Variants in DNM2 observed in about 807,000 individuals in gnomAD.
DNM2 encodes dynamin 2.
DNM2 carries 15 observed loss-of-function variants against 99.0 expected under a neutral mutation model. The observed-to-expected ratio is 0.15, with a 90% CI of 0.10 to 0.23. The LOEUF (loss-of-function observed/expected upper bound fraction) is 0.23, where lower values mean the gene tolerates loss of function less well. Among genes scored for constraint, DNM2 ranks in the 10% least tolerant of loss-of-function variants. The pLI is 1.00. For missense variants in DNM2, 742 were observed against 1,189.4 expected (o/e 0.62, Z 5.53); for synonymous variants, 525 against 481.2 (o/e 1.09, Z -1.19).
At position 10,830,405 on chromosome 19, in the gene DNM2, C is replaced by G; in HGVS notation, c.2543+27C>G. 4.4e-6 allele frequency: 7 copies of G among 1,601,526 alleles called. No homozygotes were observed. Among genetic ancestry groups the G allele is most frequent in the Non-Finnish European group, 5.9e-6 (7 of 1,177,094 alleles). Reference sequence around the variant, plus strand: ...TAAGGCCAACCCCCTGCCCTCCACCCCAACTGCCTGCACCCTGGGGTCTCT... The same window carrying G: ...TAAGGCCAACCCCCTGCCCTCCACCGCAACTGCCTGCACCCTGGGGTCTCT... On this transcript the variant is annotated intron_variant, in intron 20 of 20. Coordinates refer to ENST00000389253, the MANE Select transcript of DNM2 (RefSeq NM_001005361.3). This position sits in a 1 kb window ranked among gnomAD's most constrained non-coding sequence, Gnocchi z 4.8.
chr19:10,747,790 C>T (rs1423789214), intron 1 of DNM2, among the ~76,000 whole-genome samples: 3 of 151,838 alleles, frequency 2.0e-5, no homozygotes, highest in Admixed American at 1.3e-4. Context: ...ATCAGGAACC[C>T]GGAAGATGCC....
Position 10,829,215 on chromosome 19 carries a change from G to A in DNM2, c.2238G>A (p.Thr746=), listed in dbSNP as rs370550750. 4 of 1,613,944 alleles carry A rather than the reference G, an allele frequency of 2.5e-6. No individual in the cohort carries two copies. Among genetic ancestry groups the A allele is most frequent in the East Asian group, 2.2e-5 (1 of 44,888 alleles). The change falls in exon 19 of 21, where the codon ACG becomes ACA. Residue 746 remains threonine (T), a synonymous_variant. Transcript: ENST00000389253. The part of the protein sequence containing the change: ...IGDISTSTVS[T]PVPPPVDDTW... ...ACATCAGCACCAGCACTGTGTCCAC[G>A]CCTGTACCCCCGCCTGTCGATGACA...
intron 1 of DNM2, among the ~76,000 whole-genome samples, chr19:10,732,142 G>T (rs1442362046): frequency 6.6e-6 from 1 of 151,122 alleles, no homozygotes; most frequent in Non-Finnish European, 1.5e-5. Flanking sequence ...TTTTAGTAGA[G>T]ACTGGGTTTC....
chr19:10,817,968 G>A lies in DNM2; in HGVS notation c.1672-2012G>A, dbSNP rs530178581. 6.6e-5 allele frequency among the ~76,000 whole-genome samples: 10 copies of A among 152,240 alleles called. No individual in the cohort carries two copies. The highest frequency in any genetic ancestry group is 5.8e-4 in the East Asian group (3 of 5,160). ...CCCTGCTGGCTGGAAGCTTCCGGCC[G>A]CGTGATATGATAGGGTCAGGGCAGC... On this transcript the variant is annotated intron_variant, in intron 15 of 20. Transcript: ENST00000389253. This position sits in a 1 kb window ranked among gnomAD's most constrained non-coding sequence, Gnocchi z 4.6.
intron 11 of DNM2, among the ~76,000 whole-genome samples, chr19:10,801,134 C>T (rs1304314283): frequency 2.0e-5 from 3 of 151,842 alleles, no homozygotes; most frequent in Non-Finnish European, 2.9e-5. Flanking sequence ...GGTGAAAACC[C>T]GTCTCTACTA....
At chr19:10,729,561 G>A (rs530422372) in intron 1 of DNM2, among the ~76,000 whole-genome samples, 39 of 152,244 alleles carry the variant, frequency 2.6e-4, no homozygotes, top group African/African-American at 8.2e-4. Context: ...GCACACACCC[G>A]GCCCGCTGAG....
At chr19:10,734,207 G>C (rs1568268629) in intron 1 of DNM2, among the ~76,000 whole-genome samples, 1 of 151,364 alleles carries the variant, frequency 6.6e-6, no homozygotes, top group Non-Finnish European at 1.5e-5. Flanking sequence ...ATTGAGTGTG[G>C]TGGTATACAC....
chr19:10,718,453 A>G (rs747724745), intron 1 of DNM2, 50 bp downstream of exon 1: 63 of 1,340,196 alleles, frequency 4.7e-5, no homozygotes, highest in Non-Finnish European at 5.9e-5. Flanking sequence ...TAGGGCGCGG[A>G]GGGCGGACCG....
chr19:10,831,265 G>A lies in DNM2; in HGVS notation c.*218G>A. On this transcript the variant is annotated 3_prime_UTR_variant, in exon 21 of 21. Transcript: ENST00000389253. The surrounding 1 kb of genome is among the most constrained non-coding windows in gnomAD (Gnocchi z 4.3). ...CCTGGAGCTCCAGGCAGGGGGCGCT[G>A]GGGTGTTGCACTTTGGGGGATGGAG... 6 of 1,323,338 alleles carry A rather than the reference G, an allele frequency of 4.5e-6. No homozygotes were observed. The highest frequency in any genetic ancestry group is 3.1e-5 in the East Asian group (1 of 31,860). The allele number at this position is 1,323,338 out of a possible 1,614,324, so 82.0% of individuals were successfully genotyped here.
intron 17 of DNM2, 88 bp from the exon 18 acceptor site, chr19:10,824,969 G>T: frequency 3.1e-6 from 5 of 1,602,188 alleles, no homozygotes; most frequent in Non-Finnish European, 4.3e-6. Flanking sequence ...GTCAGTTATT[G>T]GTGGGACAAT....
At chr19:10,757,674 G>A (rs1191498433) in intron 1 of DNM2, among the ~76,000 whole-genome samples, 1 of 152,164 alleles carries the variant, frequency 6.6e-6, no homozygotes, top group Non-Finnish European at 1.5e-5. Flanking sequence ...GCCAGGCACG[G>A]TGGCTCACAC....
At chr19:10,815,190 G>A (rs543346483) in intron 15 of DNM2, among the ~76,000 whole-genome samples, 76 of 152,180 alleles carry the variant, frequency 5.0e-4, no homozygotes, top group Non-Finnish European at 9.7e-4. Context: ...TTAACACAGG[G>A]CTCCCTTCAT....
chr19:10,718,239 C>T lies in DNM2; in HGVS notation c.-4C>T, dbSNP rs1273130810. ...GGGCGCTCGGGCCGGGGGCCGCCGG[C>T]GCCATGGGCAACCGCGGGATGGAAG... On this transcript the variant is annotated 5_prime_UTR_variant, in exon 1 of 21. Transcript: ENST00000389253. The T allele has an allele frequency of 8.1e-6, 12 of 1,476,056 alleles. No individual in the cohort carries two copies. The highest frequency in any genetic ancestry group is 1.1e-5 in the Non-Finnish European group (12 of 1,111,392). The allele number at this position is 1,476,056 out of a possible 1,614,324, so 91.4% of individuals were successfully genotyped here.
chr19:10,798,150 C>T (rs928690763), intron 10 of DNM2, among the ~76,000 whole-genome samples: 3 of 152,226 alleles, frequency 2.0e-5, no homozygotes, highest in Non-Finnish European at 4.4e-5. Flanking sequence ...GGTTCCTGCT[C>T]TCACCCAGTG....
intron 1 of DNM2, among the ~76,000 whole-genome samples, chr19:10,731,427 A>G (rs1442556813): frequency 3.4e-5 from 5 of 147,280 alleles, no homozygotes; most frequent in Non-Finnish European, 7.4e-5. Flanking sequence ...ATCTCAGCTC[A>G]CTGCAACCTC....
rs142343686 is a variant in DNM2 at position 10,829,665 on chromosome 19, C to A, written c.2291+397C>A. ...AGGCGTGGCCAGAGCTGCTGCCGCC[C>A]CTGAGTTGTCCATTGAGGCCGTCGG... On this transcript the variant is annotated intron_variant, in intron 19 of 20. Coordinates refer to ENST00000389253, the MANE Select transcript of DNM2 (RefSeq NM_001005361.3). 2.8e-3 allele frequency among the ~76,000 whole-genome samples: 425 copies of A among 152,276 alleles called. 1 individual carries two copies. Among genetic ancestry groups the A allele is most frequent in the South Asian group, 0.015 (73 of 4,832 alleles).
chr19:10,830,554 A>C lies in DNM2; in HGVS notation c.2543+176A>C, dbSNP rs1599642092. 3.9e-6 allele frequency: 3 copies of C among 770,092 alleles called. No homozygotes were observed. The highest frequency in any genetic ancestry group is 6.1e-6 in the Non-Finnish European group (3 of 490,268). The allele number at this position is 770,092 out of a possible 1,614,324, so 47.7% of individuals were successfully genotyped here. ...CCCAGAGAGGCCAAGAGGCTTGTTC[A>C]GTGTCACAGAGTAGCGGAGCCCTGG... is the stretch of plus-strand genomic sequence containing the variant. On this transcript the variant is annotated intron_variant, in intron 20 of 20. Coordinates refer to ENST00000389253, the MANE Select transcript of DNM2 (RefSeq NM_001005361.3). This position sits in a 1 kb window ranked among gnomAD's most constrained non-coding sequence, Gnocchi z 4.8.
rs141589491 is a variant in DNM2, at chr19:10,764,828, C to T, written c.235+5017C>T. Among the ~76,000 whole-genome samples, 511 of 152,352 alleles carry T rather than the reference C, an allele frequency of 3.4e-3. 5 individuals carry two copies. The highest frequency in any genetic ancestry group is 0.012 in the African/African-American group (488 of 41,588). On this transcript the variant is annotated intron_variant, in intron 2 of 20. Coordinates refer to ENST00000389253, the MANE Select transcript of DNM2 (RefSeq NM_001005361.3). The surrounding 1 kb of genome is among the most constrained non-coding windows in gnomAD (Gnocchi z 4.1). ...GTTCCCACTGCTTGGCCTCTGTGCTCACTGTGCTGCCTGCCTGGAACGCCC... is the reference window on the plus strand; with the variant it reads ...GTTCCCACTGCTTGGCCTCTGTGCTTACTGTGCTGCCTGCCTGGAACGCCC...
rs553228964 is a variant in DNM2, at chr19:10,819,716, A to C, written c.1672-264A>C. ...AGTTAGGGCAGGAGGGAGCCATGCA[A>C]GTGTCAGGATCAGGCAGTAGCCCGG... On this transcript the variant is annotated intron_variant, in intron 15 of 20. Transcript: ENST00000389253. Among the ~76,000 whole-genome samples, 6 of 152,208 alleles carry C rather than the reference A, an allele frequency of 3.9e-5. No homozygotes were observed. In the East Asian group the frequency reaches 1.2e-3, roughly 29 times the overall value.
Sources: gnomAD v4.1 joint callset for allele counts (sites outside exome capture counted in the v4.1 genomes callset) on GRCh38, gnomAD v4.1.1 for gene constraint, Gnocchi (gnomAD v3.1) non-coding constraint, MANE v1.5 for transcripts, NCBI Gene and HGNC (gene_info 2026-07-23, HGNC 2026-07-21) for gene names.